Variants in LMBRD1 observed in about 807,000 individuals in gnomAD.
The protein encoded by LMBRD1 is lysosomal cobalamin transport escort protein LMBD1.
Under a neutral mutation model 74.8 loss-of-function variants are expected in LMBRD1, and 64 were observed. The ratio of observed to expected loss-of-function variants is 0.86; its 90% CI spans 0.70 to 1.05. The LOEUF is 1.05. Ranked by LOEUF, LMBRD1 falls within the 50% of genes least tolerant of loss-of-function variation. LMBRD1 has a pLI of 0.00. For synonymous variants in LMBRD1, 204 were observed against 216.3 expected (o/e 0.94, Z 0.50); for missense variants, 652 against 645.9 (o/e 1.01, Z -0.10).
chr6:69,677,795 G>A (rs140124623), intron 14 of LMBRD1, among the ~76,000 whole-genome samples: 51 of 151,932 alleles, frequency 3.4e-4, no homozygotes, highest in African/African-American at 1.2e-3. Flanking sequence ...ACTTTAGACG[G>A]CATTATAGAT....
intron 3 of LMBRD1, among the ~76,000 whole-genome samples, chr6:69,760,843 A>T (rs1296461591): frequency 6.6e-6 from 1 of 152,146 alleles, no homozygotes; most frequent in Non-Finnish European, 1.5e-5. Flanking sequence ...CCACGTAACA[A>T]AGAACTGATG....
At chr6:69,757,710 A>G (rs1765296552) in intron 3 of LMBRD1, among the ~76,000 whole-genome samples, 1 of 152,196 alleles carries the variant, frequency 6.6e-6, no homozygotes. Context: ...TGCTTTTTTA[A>G]AAGTTCTACA....
rs886061690 is a variant in LMBRD1 at position 69,676,081 on chromosome 6, C to A, written c.*77G>T. On this transcript the variant is annotated 3_prime_UTR_variant, in exon 16 of 16. Transcript: ENST00000649934. ...TTTGATGAAAGCTAGTTAGCAAATC[C>A]TAATGTTAGTTTAATACTTTAAAAA... 1 of 1,179,650 alleles carries A rather than the reference C, an allele frequency of 8.5e-7. No homozygotes were observed. Among genetic ancestry groups the A allele is most frequent in the African/African-American group, 1.5e-5 (1 of 66,060 alleles). The allele number at this position is 1,179,650 out of a possible 1,614,324, so 73.1% of individuals were successfully genotyped here. A position where few individuals can be genotyped will look rare whatever the true frequency, so the allele number is the denominator to read the frequency against.
Position 69,695,218 on chromosome 6 carries a change from T to A in LMBRD1, c.1417+2345A>T, listed in dbSNP as rs145303787. Among the ~76,000 whole-genome samples, 114 of 151,788 alleles carry A rather than the reference T, an allele frequency of 7.5e-4. 1 individual carries two copies. In the East Asian group the frequency reaches 0.016, roughly 21 times the overall value. On this transcript the variant is annotated intron_variant, in intron 14 of 15. Transcript: ENST00000649934. ...AATCTTTCCTGCTCCACTAGTTCCA[T>A]CCCATTATCCCTGAAGTCTCTCCTA... is the stretch of plus-strand genomic sequence containing the variant.
At chr6:69,751,951 T>C (rs1013765024) in intron 4 of LMBRD1, among the ~76,000 whole-genome samples, 5 of 145,306 alleles carry the variant, frequency 3.4e-5, no homozygotes, top group African/African-American at 1.2e-4. Flanking sequence ...TAGAAAGCAC[T>C]TGAAATGTGG....
intron 2 of LMBRD1, among the ~76,000 whole-genome samples, chr6:69,789,989 T>G (rs1053043332): frequency 5.9e-5 from 9 of 152,258 alleles, no homozygotes; most frequent in African/African-American, 1.9e-4. Context: ...ACAAAAGCCC[T>G]TCTCAATTAT....
intron 4 of LMBRD1, among the ~76,000 whole-genome samples, chr6:69,751,933 C>T (rs1230839534): frequency 6.6e-6 from 1 of 151,876 alleles, no homozygotes; most frequent in Non-Finnish European, 1.5e-5. Context: ...TTACAAGCCA[C>T]ATGTGGCTAG....
intron 3 of LMBRD1, among the ~76,000 whole-genome samples, chr6:69,766,842 T>C (rs2149885641): frequency 6.6e-6 from 1 of 151,792 alleles, no homozygotes; most frequent in African/African-American, 2.4e-5. Flanking sequence ...TGTGAAGAAA[T>C]CTAGGTATGG....
At chr6:69,715,579 A>G (rs1766470168) in intron 8 of LMBRD1, among the ~76,000 whole-genome samples, 1 of 152,166 alleles carries the variant, frequency 6.6e-6, no homozygotes, top group Admixed American at 6.6e-5. Flanking sequence ...AAAGTAAAAC[A>G]TGAAAGCTTC....
chr6:69,749,094 C>T (rs1020829485), intron 5 of LMBRD1, among the ~76,000 whole-genome samples: 11 of 151,890 alleles, frequency 7.2e-5, no homozygotes, highest in African/African-American at 2.7e-4. Flanking sequence ...GTGTAAAAAG[C>T]ATGTAGAATG....
At chr6:69,682,483 G>A (rs1765683935) in intron 14 of LMBRD1, among the ~76,000 whole-genome samples, 1 of 151,850 alleles carries the variant, frequency 6.6e-6, no homozygotes, top group African/African-American at 2.4e-5. Context: ...ATATATATTT[G>A]CCTTTTAAGA....
chr6:69,680,011 A>G (rs1204615992), intron 14 of LMBRD1, among the ~76,000 whole-genome samples: 1 of 152,160 alleles, frequency 6.6e-6, no homozygotes, highest in Admixed American at 6.6e-5. Context: ...CATTAATATC[A>G]TGACTACTCT....
At chr6:69,778,852 T>G (rs1359219900) in intron 3 of LMBRD1, among the ~76,000 whole-genome samples, 1 of 152,018 alleles carries the variant, frequency 6.6e-6, no homozygotes, top group Non-Finnish European at 1.5e-5. Flanking sequence ...GGCCTACAGA[T>G]TTTAGATTAG....
chr6:69,690,684 T>G (rs1765857660), intron 14 of LMBRD1, among the ~76,000 whole-genome samples: 1 of 152,280 alleles, frequency 6.6e-6, no homozygotes, highest in Middle Eastern at 3.4e-3. Flanking sequence ...GATACCACAT[T>G]TGCCCTGATG....
At chr6:69,756,601 T>C (rs918725850) in intron 3 of LMBRD1, among the ~76,000 whole-genome samples, 1 of 152,146 alleles carries the variant, frequency 6.6e-6, no homozygotes, top group Non-Finnish European at 1.5e-5. Flanking sequence ...GTTAAACATA[T>C]ACCTATCATG....
intron 7 of LMBRD1, among the ~76,000 whole-genome samples, chr6:69,723,538 C>T (rs928088964): frequency 1.3e-5 from 2 of 151,950 alleles, no homozygotes; most frequent in African/African-American, 4.8e-5. Context: ...TATACAAACA[C>T]ATGGAAATTA....
chr6:69,753,629 G>A (rs1765210923), intron 3 of LMBRD1, among the ~76,000 whole-genome samples: 1 of 152,180 alleles, frequency 6.6e-6, no homozygotes, highest in Non-Finnish European at 1.5e-5. Context: ...AGAGTTATTT[G>A]TACACCCATG....
At chr6:69,737,891 A>G in intron 7 of LMBRD1, 51 bp downstream of exon 7, 1 of 1,181,124 alleles carries the variant, frequency 8.5e-7, no homozygotes. Context: ...ACTAAGGTAA[A>G]AAAATTGTTT....
At chr6:69,763,786 T>C (rs1326453990) in intron 3 of LMBRD1, among the ~76,000 whole-genome samples, 1 of 152,236 alleles carries the variant, frequency 6.6e-6, no homozygotes, top group Non-Finnish European at 1.5e-5. Flanking sequence ...AGACTGTTTT[T>C]GAGCTATCTT....
Sources: gnomAD v4.1 joint callset for allele counts (sites outside exome capture counted in the v4.1 genomes callset) on GRCh38, gnomAD v4.1.1 for gene constraint, MANE v1.5 for transcripts, NCBI Gene and HGNC (gene_info 2026-07-23, HGNC 2026-07-21) for gene names.